Variants in TUSC3 observed in about 807,000 individuals in gnomAD.
TUSC3 encodes the protein dolichyl-diphosphooligosaccharide--protein glycosyltransferase subunit TUSC3.
A neutral mutation model predicts 44.8 loss-of-function variants in TUSC3; 45 were observed. That is an observed-to-expected ratio of 1.00 (90% CI 0.79 to 1.29). TUSC3 has a LOEUF of 1.29. TUSC3 is among the 50% of genes most tolerant of loss of function. The pLI, the probability that TUSC3 is intolerant of heterozygous loss-of-function variation, is 0.00. For synonymous variants in TUSC3, 212 were observed against 152.9 expected (o/e 1.39, Z -2.85); for missense variants, 519 against 437.9 (o/e 1.19, Z -1.65).
chr8:15,518,525 G>C (rs2129129079), intron 2 of TUSC3, among the ~76,000 whole-genome samples: 1 of 152,162 alleles, frequency 6.6e-6, no homozygotes, highest in Admixed American at 6.5e-5. Context: ...TTAACTAGTT[G>C]GGTTGGATTA....
intron 2 of TUSC3, among the ~76,000 whole-genome samples, chr8:15,524,904 A>C (rs1348014260): frequency 6.6e-6 from 1 of 152,196 alleles, no homozygotes; most frequent in Non-Finnish European, 1.5e-5. Flanking sequence ...GTAACAGTGA[A>C]ATGGTAAAAG....
chr8:15,462,291 A>G (rs548355755), intron 1 of TUSC3, among the ~76,000 whole-genome samples: 5 of 152,278 alleles, frequency 3.3e-5, no homozygotes, highest in Non-Finnish European at 7.4e-5. Context: ...TCTAGAATAT[A>G]TAAACAACTA....
chr8:15,469,552 C>T (rs184532124), intron 1 of TUSC3, among the ~76,000 whole-genome samples: 1 of 152,142 alleles, frequency 6.6e-6, no homozygotes, highest in Non-Finnish European at 1.5e-5. Flanking sequence ...GGTGGGAATA[C>T]AAAAATGGTG....
At position 15,435,965 on chromosome 8, in the gene TUSC3, T is replaced by G. The variant is rs1393492770; in HGVS notation, n.91+18660T>G. 3.3e-5 allele frequency among the ~76,000 whole-genome samples: 5 copies of G among 152,222 alleles called. No homozygotes were observed. The South Asian group carries it at 1.0e-3, about 32-fold the overall frequency. Reference sequence around the variant, plus strand: ...GAGAAGCTTTGTCTGGGGAGTCTTTTCTGAAGCAGAATCTCTGATGCCATC... The same window carrying G: ...GAGAAGCTTTGTCTGGGGAGTCTTTGCTGAAGCAGAATCTCTGATGCCATC... On this transcript the variant is annotated intron_variant and non_coding_transcript_variant, in intron 1 of 5. Coordinates refer to the TUSC3 transcript ENST00000503191.
chr8:15,650,416 G>C (rs141523544), intron 2 of TUSC3, among the ~76,000 whole-genome samples: 145 of 152,162 alleles, frequency 9.5e-4, no homozygotes, highest in African/African-American at 3.4e-3. Flanking sequence ...TTGCTGTCTT[G>C]TTGTTACAAC....
intron 6 of TUSC3, among the ~76,000 whole-genome samples, chr8:15,691,434 G>C (rs1374513206): frequency 6.6e-6 from 1 of 152,140 alleles, no homozygotes; most frequent in African/African-American, 2.4e-5. Context: ...TTTCTAGGTG[G>C]AGAGTTAAAT....
chr8:15,427,706 G>A (rs893136885), intron 1 of TUSC3, among the ~76,000 whole-genome samples: 1 of 152,110 alleles, frequency 6.6e-6, no homozygotes, highest in Admixed American at 6.5e-5. Flanking sequence ...TTTGTTCTGA[G>A]GAGGCAAGAA....
intron 2 of TUSC3, among the ~76,000 whole-genome samples, chr8:15,528,879 A>C (rs1483004944): frequency 6.6e-6 from 1 of 152,218 alleles, no homozygotes; most frequent in Admixed American, 6.5e-5. Flanking sequence ...AAGCAGTCAG[A>C]CTTTGAACTT....
intron 1 of TUSC3, among the ~76,000 whole-genome samples, chr8:15,601,855 A>G (rs17121699): frequency 0.018 from 2,738 of 151,494 alleles, 68 homozygotes; most frequent in African/African-American, 0.061. Context: ...TTATGGATAT[A>G]TTTGTATCGT....
intron 3 of TUSC3, among the ~76,000 whole-genome samples, chr8:15,653,756 C>T (rs1157216006): frequency 6.6e-6 from 1 of 152,168 alleles, no homozygotes; most frequent in Non-Finnish European, 1.5e-5. Flanking sequence ...TTGAGAAACA[C>T]TAAAAGGTTT....
chr8:15,647,746 A>T (rs1390753883), intron 2 of TUSC3, among the ~76,000 whole-genome samples: 2 of 152,136 alleles, frequency 1.3e-5, no homozygotes, highest in Non-Finnish European at 2.9e-5. Flanking sequence ...GATTCCTTAC[A>T]TTTCCATGAA....
intron 1 of TUSC3, among the ~76,000 whole-genome samples, chr8:15,563,102 C>G (rs562199641): frequency 1.3e-5 from 2 of 152,074 alleles, no homozygotes; most frequent in South Asian, 4.2e-4. Context: ...TAAATGGTGG[C>G]TTATAAAACC....
chr8:15,575,169 T>G (rs890914292), intron 1 of TUSC3, among the ~76,000 whole-genome samples: 2 of 151,974 alleles, frequency 1.3e-5, no homozygotes, highest in African/African-American at 4.8e-5. Flanking sequence ...GTATTTTTTT[T>G]GCATATAAAC....
chr8:15,529,627 C>T (rs1436844158), intron 2 of TUSC3, among the ~76,000 whole-genome samples: 4 of 151,800 alleles, frequency 2.6e-5, no homozygotes, highest in South Asian at 2.1e-4. Flanking sequence ...TACTATCTAA[C>T]GTATCAATAT....
intron 1 of TUSC3, among the ~76,000 whole-genome samples, chr8:15,417,635 A>G (rs1000546183): frequency 3.3e-5 from 5 of 152,216 alleles, no homozygotes; most frequent in Admixed American, 6.5e-5. Flanking sequence ...GGGTAAATAT[A>G]TACTAGAGAG....
At chr8:15,508,330 A>G (rs1015390690) in intron 2 of TUSC3, among the ~76,000 whole-genome samples, 2 of 152,154 alleles carry the variant, frequency 1.3e-5, no homozygotes, top group South Asian at 2.1e-4. Context: ...GTGATATCCT[A>G]TTAACTGAGG....
At chr8:15,516,617 A>C (rs889749131) in intron 2 of TUSC3, among the ~76,000 whole-genome samples, 1 of 152,170 alleles carries the variant, frequency 6.6e-6, no homozygotes, top group African/African-American at 2.4e-5. Context: ...TTGTTTTGCC[A>C]TTCTTTACTT....
chr8:15,842,392 C>G, the TUSC3 span, among the ~76,000 whole-genome samples: 1 of 152,158 alleles, frequency 6.6e-6, no homozygotes, highest in South Asian at 2.1e-4. Context: ...ATATTGTACA[C>G]AAAGCTCTTA....
At chr8:15,635,154 C>A (rs1806010078) in intron 2 of TUSC3, among the ~76,000 whole-genome samples, 1 of 151,982 alleles carries the variant, frequency 6.6e-6, no homozygotes, top group South Asian at 2.1e-4. Context: ...AGCATTATGC[C>A]CGGGAATGGT....
Sources: allele counts gnomAD v4.1 joint callset (sites outside exome capture counted in the v4.1 genomes callset), GRCh38; gene constraint gnomAD v4.1.1; transcripts MANE v1.5; gene names NCBI Gene and HGNC (gene_info 2026-07-23, HGNC 2026-07-21).